The following RNF20 variants were observed in gnomAD, a reference collection of about 807,000 sequenced individuals.
RNF20 encodes the protein ring finger protein 20.
RNF20 carries 84 observed loss-of-function variants against 126.2 expected under a neutral mutation model. The observed-to-expected ratio is 0.67, with a 90% CI of 0.56 to 0.80. The LOEUF (loss-of-function observed/expected upper bound fraction) is 0.80, where lower values mean the gene tolerates loss of function less well. Among genes scored for constraint, RNF20 ranks in the 30% least tolerant of loss-of-function variants. RNF20 has a pLI of 0.00. For missense variants in RNF20, 869 were observed against 1,188.2 expected (o/e 0.73, Z 3.95); for synonymous variants, 400 against 414.3 (o/e 0.97, Z 0.42).
rs534789319 is a variant in RNF20, at chr9:101,550,791, A to T, written c.1272+6A>T. 1 of 1,613,758 alleles carries T rather than the reference A, an allele frequency of 6.2e-7. No individual in the cohort carries two copies. Among genetic ancestry groups the T allele is most frequent in the East Asian group, 2.2e-5 (1 of 44,876 alleles). ...ACCAGGTTGAGCTTATTGAGGTAAT[A>T]GCCTTGCCTTGTCTTTTGTATGTAA... On this transcript the variant is annotated splice_donor_region_variant and intron_variant, in intron 10 of 19. Transcript: ENST00000389120.
Position 101,561,970 on chromosome 9 carries a change from A to C in RNF20, c.2710A>C (p.Lys904Gln). ...ETTKKPDNVPKCDEILMEEIK... is the reference protein window; with the variant it reads ...ETTKKPDNVPQCDEILMEEIK... ...CACAAAGAAACCAGACAATGTACCCAAGTGTGATGAGATTCTGATGGAAGA... is the reference window on the plus strand; with the variant it reads ...CACAAAGAAACCAGACAATGTACCCCAGTGTGATGAGATTCTGATGGAAGA... Residue 904 changes from lysine to glutamine, a missense_variant, in exon 19 of 20, where the codon AAG (lysine) becomes CAG (glutamine). Lys to Gln is a moderately conservative substitution (Grantham distance 53, BLOSUM62 1). Transcript: ENST00000389120. 6.8e-6 allele frequency: 11 copies of C among 1,612,602 alleles called. No individual in the cohort carries two copies. Among genetic ancestry groups the C allele is most frequent in the Non-Finnish European group, 8.5e-6 (10 of 1,179,462 alleles).
At chr9:101,546,670 G>A (rs1827351913) in intron 6 of RNF20, 150 bp from the exon 7 acceptor site, 6 of 709,374 alleles carry the variant, frequency 8.5e-6, no homozygotes, top group Admixed American at 5.7e-5. Flanking sequence ...GGAGGAATCC[G>A]TGATTTCATT....
intron 16 of RNF20, among the ~76,000 whole-genome samples, chr9:101,559,770 G>A (rs1827597100): frequency 6.6e-6 from 1 of 152,178 alleles, no homozygotes; most frequent in Admixed American, 6.5e-5. Context: ...AAGCTTTGCT[G>A]AATTCATTTA....
At chr9:101,555,013 GTTATT>G (rs1258860655) in intron 15 of RNF20, among the ~76,000 whole-genome samples, 170 bp downstream of exon 15, 2 of 151,734 alleles carry the variant, frequency 1.3e-5, no homozygotes, top group African/African-American at 2.4e-5. Flanking sequence ...TTATCTTTCT[GTTATT>G]TTGTTTTGTG....
intron 18 of RNF20, among the ~76,000 whole-genome samples, chr9:101,561,664 A>G (rs925697814): frequency 5.3e-5 from 8 of 152,186 alleles, no homozygotes; most frequent in Non-Finnish European, 1.0e-4. Flanking sequence ...AAACTCTTAG[A>G]TGTGTTTTCA....
intron 16 of RNF20, among the ~76,000 whole-genome samples, chr9:101,558,102 G>T (rs1827566152): frequency 6.6e-6 from 1 of 150,924 alleles, no homozygotes; most frequent in South Asian, 2.1e-4. Context: ...CAAGATTTTG[G>T]TGCACCCATA....
intron 5 of RNF20, among the ~76,000 whole-genome samples, chr9:101,543,172 C>G (rs930851051): frequency 6.6e-6 from 1 of 152,184 alleles, no homozygotes; most frequent in Non-Finnish European, 1.5e-5. Flanking sequence ...ATATGATAGG[C>G]CTTCTAGAGT....
At chr9:101,547,569 C>G (rs1325899175) in intron 9 of RNF20, 51 bp downstream of exon 9, 1 of 1,606,548 alleles carries the variant, frequency 6.2e-7, no homozygotes, top group African/African-American at 1.3e-5. Context: ...TGCTGATCAA[C>G]TCACGTATAT....
At position 101,551,925 on chromosome 9, in the gene RNF20, T is replaced by C. The variant is rs896057322; in HGVS notation, c.1408+106T>C. Reference sequence around the variant, plus strand: ...AATGCTGACTTCAACTCAGAAGTCATAAGTACCTTAAATCCTATAATTCAT... The same window carrying C: ...AATGCTGACTTCAACTCAGAAGTCACAAGTACCTTAAATCCTATAATTCAT... On this transcript the variant is annotated intron_variant, in intron 11 of 19. Transcript: ENST00000389120. 7 of 1,326,862 alleles carry C rather than the reference T, an allele frequency of 5.3e-6. No homozygotes were observed. In the African/African-American group the frequency reaches 7.4e-5, roughly 14 times the overall value. The allele number at this position is 1,326,862 out of a possible 1,614,324, so 82.2% of individuals were successfully genotyped here.
At chr9:101,553,935 G>T in intron 13 of RNF20, 53 bp from the exon 14 acceptor site, 1 of 986,944 alleles carries the variant, frequency 1.0e-6, no homozygotes, top group South Asian at 1.4e-5. Context: ...TTGCTCTGAT[G>T]ACCTTTATTT....
intron 2 of RNF20, among the ~76,000 whole-genome samples, chr9:101,539,241 T>C (rs1009826042): frequency 2.6e-5 from 4 of 152,196 alleles, no homozygotes; most frequent in African/African-American, 9.7e-5. Flanking sequence ...TTATAAAATC[T>C]GTTTAGGCTA....
intron 10 of RNF20, among the ~76,000 whole-genome samples, chr9:101,550,990 G>A (rs1375145138): frequency 6.6e-6 from 1 of 152,160 alleles, no homozygotes; most frequent in Non-Finnish European, 1.5e-5. Context: ...TGCAGTAATG[G>A]GAGAATAGTA....
chr9:101,540,434 T>C, intron 3 of RNF20, 56 bp from the exon 4 acceptor site: 4 of 1,611,272 alleles, frequency 2.5e-6, no homozygotes, highest in Non-Finnish European at 3.4e-6. Flanking sequence ...TACTGTTCTC[T>C]TCATTTCCAA....
Position 101,550,781 on chromosome 9 carries a change from T to A in RNF20, c.1268T>A (p.Ile423Asn). Reference protein sequence around the residue: ...RGTHQHQVELIERDEVSLHKK... With the variant: ...RGTHQHQVELNERDEVSLHKK... ...ACCCACCAGCACCAGGTTGAGCTTA[T>A]TGAGGTAATAGCCTTGCCTTGTCTT... is the stretch of plus-strand genomic sequence containing the variant. The change falls in exon 10 of 20, where the codon ATT (isoleucine) becomes AAT (asparagine). Residue 423 changes from isoleucine (I) to asparagine (N), a missense_variant. By Grantham distance (149) the Ile-to-Asn change is moderately radical. Transcript: ENST00000389120. 1 of 1,614,102 alleles carries A rather than the reference T, an allele frequency of 6.2e-7. No homozygotes were observed. The highest frequency in any genetic ancestry group is 8.5e-7 in the Non-Finnish European group (1 of 1,179,922).
chr9:101,562,487 A>G lies in RNF20; in HGVS notation c.*65A>G. On this transcript the variant is annotated 3_prime_UTR_variant, in exon 20 of 20. Transcript: ENST00000389120. ...CTTATTCATTAACCACCAAACCTCTACCTCTTCTCTCCTTGACTGTCACCT... is the reference window on the plus strand; with the variant it reads ...CTTATTCATTAACCACCAAACCTCTGCCTCTTCTCTCCTTGACTGTCACCT... The G allele has an allele frequency of 1.4e-6, 2 of 1,459,706 alleles. No homozygotes were observed. The highest frequency in any genetic ancestry group is 2.5e-5 in the East Asian group (1 of 40,748). The allele number at this position is 1,459,706 out of a possible 1,614,324, so 90.4% of individuals were successfully genotyped here.
intron 15 of RNF20, among the ~76,000 whole-genome samples, 165 bp downstream of exon 15, chr9:101,555,008 T>C (rs955381352): frequency 6.6e-6 from 1 of 152,098 alleles, no homozygotes; most frequent in African/African-American, 2.4e-5. Context: ...GTCTTTTATC[T>C]TTCTGTTATT....
chr9:101,544,899 AAGG>A lies in RNF20; in HGVS notation c.747+17_747+19del, dbSNP rs776270086. 4 of 1,487,278 alleles carry A rather than the reference AAGG, an allele frequency of 2.7e-6. No individual in the cohort carries two copies. The highest frequency in any genetic ancestry group is 3.8e-6 in the Non-Finnish European group (4 of 1,064,472). The allele number at this position is 1,487,278 out of a possible 1,614,324, so 92.1% of individuals were successfully genotyped here. Reference sequence around the variant, plus strand: ...ATGTCTCAGGAGGTACTTAACCAAAAAGGAGAGATGGCTGTGTCTAGTGGGCTG... The same window carrying A: ...ATGTCTCAGGAGGTACTTAACCAAAAAGAGATGGCTGTGTCTAGTGGGCTG... On this transcript the variant is annotated intron_variant, in intron 6 of 19. Transcript: ENST00000389120.
chr9:101,547,098 T>TA, intron 7 of RNF20, 39 bp from the exon 8 acceptor site: 1 of 1,607,240 alleles, frequency 6.2e-7, no homozygotes, highest in African/African-American at 1.3e-5. Flanking sequence ...ACTGAAATCT[T>TA]AAGAGTCTCT....
chr9:101,560,992 T>G, intron 17 of RNF20, 66 bp downstream of exon 17: 1 of 1,598,068 alleles, frequency 6.3e-7, no homozygotes, highest in Non-Finnish European at 8.5e-7. Flanking sequence ...CTGTTGAGAT[T>G]GTAAGTTCGC....
Sources: gnomAD v4.1 joint callset for allele counts (sites outside exome capture counted in the v4.1 genomes callset) on GRCh38, gnomAD v4.1.1 for gene constraint, MANE v1.5 for transcripts, NCBI Gene and HGNC (gene_info 2026-07-23, HGNC 2026-07-21) for gene names.